SIPA1L1: variants seen among roughly 807,000 people sequenced by gnomAD.
SIPA1L1 encodes the protein signal induced proliferation associated 1 like 1, also known as signal-induced proliferation-associated 1-like protein 1.
In SIPA1L1, 26 loss-of-function variants were observed where a neutral mutation model predicts 162.7. The observed-to-expected ratio is 0.16, with a 90% CI of 0.12 to 0.22. SIPA1L1 has a LOEUF of 0.22. Ranked by LOEUF, SIPA1L1 falls within the 10% of genes least tolerant of loss-of-function variation. The pLI is 1.00. For missense variants in SIPA1L1, 1,874 were observed against 2,241.0 expected, an observed-to-expected ratio of 0.84 and a Z score of 3.31; for synonymous variants, 829 against 837.4, an observed-to-expected ratio of 0.99 and a Z score of 0.17.
At chr14:71,639,604 C>G (rs1375434051) in intron 7 of SIPA1L1, among the ~76,000 whole-genome samples, 1 of 152,096 alleles carries the variant, frequency 6.6e-6, no homozygotes, top group East Asian at 1.9e-4. Context: ...AACAAAGGAA[C>G]TGGAATACCT....
chr14:71,504,291 A>G (rs1351614199), intron 2 of SIPA1L1, among the ~76,000 whole-genome samples: 1 of 152,186 alleles, frequency 6.6e-6, no homozygotes, highest in African/African-American at 2.4e-5. Flanking sequence ...GTGTATATGT[A>G]AGATTTATGT....
intron 2 of SIPA1L1, among the ~76,000 whole-genome samples, chr14:71,370,620 A>G (rs1009613595): frequency 5.9e-5 from 9 of 152,200 alleles, no homozygotes; most frequent in Non-Finnish European, 1.3e-4. Context: ...CTTATTATAC[A>G]TATATGTACT....
intron 2 of SIPA1L1, among the ~76,000 whole-genome samples, chr14:71,367,190 C>T (rs1288106747): frequency 7.1e-6 from 1 of 140,416 alleles, no homozygotes; most frequent in South Asian, 2.3e-4. Flanking sequence ...GATATATAAA[C>T]TTCTCTCATT....
Position 71,630,488 on chromosome 14 carries a change from C to T in SIPA1L1, c.1818+6252C>T, listed in dbSNP as rs183020040. Among the ~76,000 whole-genome samples the T allele has an allele frequency of 8.1e-4, 123 of 152,316 alleles. 2 individuals carry two copies. Among genetic ancestry groups the T allele is most frequent in the African/African-American group, 2.8e-3 (116 of 41,574 alleles). On this transcript the variant is annotated intron_variant, in intron 7 of 23. Coordinates refer to ENST00000381232, the MANE Select transcript of SIPA1L1 (RefSeq NM_001386936.1). ...AGAACACAGCAAGACTAAGATCACACGTGAGGACTTGGATCACGATTCAGA... is the reference window on the plus strand; with the variant it reads ...AGAACACAGCAAGACTAAGATCACATGTGAGGACTTGGATCACGATTCAGA...
intron 2 of SIPA1L1, among the ~76,000 whole-genome samples, chr14:71,512,464 A>G (rs976400830): frequency 2.6e-5 from 4 of 151,484 alleles, no homozygotes; most frequent in East Asian, 2.0e-4. Context: ...CCACGTGCCT[A>G]TAGTCCCAGC....
chr14:71,417,499 A>AAAAAAAAAAAAAAC (rs2042883957), intron 2 of SIPA1L1, among the ~76,000 whole-genome samples: 1 of 146,854 alleles, frequency 6.8e-6, no homozygotes, highest in African/African-American at 2.5e-5. Context: ...AAAAAAAAAA[A>AAAAAAAAAAAAAAC]AAAAGAAAAT....
At chr14:71,578,372 C>T (rs1288642482) in intron 4 of SIPA1L1, among the ~76,000 whole-genome samples, 1 of 152,080 alleles carries the variant, frequency 6.6e-6, no homozygotes, top group African/African-American at 2.4e-5. Flanking sequence ...CTGGCCTGAC[C>T]ACTCCTTTAC....
intron 7 of SIPA1L1, among the ~76,000 whole-genome samples, chr14:71,646,333 C>G (rs2042165243): frequency 6.6e-6 from 1 of 152,032 alleles, no homozygotes; most frequent in Non-Finnish European, 1.5e-5. Context: ...CCCGCCACCA[C>G]GCCCGGCTAA....
rs1196019888 is a variant in SIPA1L1, at chr14:71,581,231, A to G, written c.-302-6340A>G. On this transcript the variant is annotated intron_variant, in intron 4 of 23. Transcript: ENST00000381232. Reference sequence around the variant, plus strand: ...TTAATAAAAATAATGGGAACTCACTATGTTACCCAGGCTGGTCTCAAACTC... The same window carrying G: ...TTAATAAAAATAATGGGAACTCACTGTGTTACCCAGGCTGGTCTCAAACTC... Among the ~76,000 whole-genome samples the G allele has an allele frequency of 2.0e-5, 3 of 152,078 alleles. No homozygotes were observed. In the South Asian group the frequency reaches 6.2e-4, roughly 31 times the overall value.
chr14:71,332,639 C>T (rs573229325), intron 2 of SIPA1L1, among the ~76,000 whole-genome samples: 9 of 152,246 alleles, frequency 5.9e-5, no homozygotes, highest in Non-Finnish European at 8.8e-5. Context: ...TCTACTCCCA[C>T]ACCCACCCCA....
intron 10 of SIPA1L1, among the ~76,000 whole-genome samples, chr14:71,663,680 G>A (rs1157819750): frequency 6.6e-6 from 1 of 152,044 alleles, no homozygotes; most frequent in Non-Finnish European, 1.5e-5. Flanking sequence ...TGAAAATTAG[G>A]ATTTTTGCTT....
chr14:71,347,745 A>G (rs2036309439), intron 2 of SIPA1L1, among the ~76,000 whole-genome samples: 1 of 152,208 alleles, frequency 6.6e-6, no homozygotes, highest in Admixed American at 6.5e-5. Context: ...CTTAATGACT[A>G]ATGATGGTGA....
At chr14:71,535,888 G>A (rs1469200830) in intron 4 of SIPA1L1, among the ~76,000 whole-genome samples, 1 of 152,136 alleles carries the variant, frequency 6.6e-6, no homozygotes, top group African/African-American at 2.4e-5. Context: ...CGGATTACAG[G>A]CATGGGCCAC....
intron 17 of SIPA1L1, among the ~76,000 whole-genome samples, chr14:71,720,909 C>T (rs1462998871): frequency 6.6e-6 from 1 of 152,084 alleles, no homozygotes. Context: ...TTTGAATTCT[C>T]TGTCTGAATT....
In SIPA1L1 at chr14:71,588,877, T is replaced by C. The variant is rs1245595486; in HGVS notation, c.1005T>C (p.Asp335=). 1.2e-6 allele frequency: 2 copies of C among 1,614,126 alleles called. No individual in the cohort carries two copies. The highest frequency in any genetic ancestry group is 1.7e-6 in the Non-Finnish European group (2 of 1,179,980). ...GTCCAAAGTGCTTTGCCCACTATGATGTCCAGAGTATATTATTTGATTTGA... is the reference window on the plus strand; with the variant it reads ...GTCCAAAGTGCTTTGCCCACTATGACGTCCAGAGTATATTATTTGATTTGA... ...WTCPKCFAHY[D]VQSILFDLNE... Residue 335 remains aspartate, a synonymous_variant, in exon 5 of 24, where the codon GAT becomes GAC. Coordinates refer to ENST00000381232, the MANE Select transcript of SIPA1L1 (RefSeq NM_001386936.1). The surrounding 1 kb of genome is among the most constrained non-coding windows in gnomAD (Gnocchi z 4.3).
In SIPA1L1 at chr14:71,548,885, C is replaced by CAA. The variant is rs774158181; in HGVS notation, c.-303+19535_-303+19536dup. On this transcript the variant is annotated intron_variant, in intron 4 of 23. Transcript: ENST00000381232. ...TGTACTCCAGCCTGGAGACTGTCTC[C>CAA]AAAAAAAAAAAAAAAAAAAAAGTGA... Among the ~76,000 whole-genome samples, 331 of 65,100 alleles carry CAA rather than the reference C, an allele frequency of 5.1e-3. 5 individuals carry two copies. Among genetic ancestry groups the CAA allele is most frequent in the East Asian group, 0.014 (38 of 2,762 alleles). 42.7% of individuals were successfully genotyped at this position (65,100 alleles called of 152,430 possible).
At chr14:71,711,377 CTG>C (rs2082866458) in intron 17 of SIPA1L1, among the ~76,000 whole-genome samples, 1 of 152,226 alleles carries the variant, frequency 6.6e-6, no homozygotes, top group African/African-American at 2.4e-5. Context: ...TCTCAGTAGA[CTG>C]TGCATTGACT....
At chr14:71,499,994 A>T (rs1238102300) in intron 2 of SIPA1L1, among the ~76,000 whole-genome samples, 1 of 152,240 alleles carries the variant, frequency 6.6e-6, no homozygotes, top group Non-Finnish European at 1.5e-5. Flanking sequence ...GTTAGAAATT[A>T]AAATCTTTGC....
chr14:71,481,013 G>A (rs1228732197), intron 2 of SIPA1L1, among the ~76,000 whole-genome samples: 2 of 152,132 alleles, frequency 1.3e-5, no homozygotes, highest in East Asian at 1.9e-4. Flanking sequence ...ATGCACCCAG[G>A]ACACCTGTAG....
Sources: allele counts gnomAD v4.1 joint callset (sites outside exome capture counted in the v4.1 genomes callset), GRCh38; gene constraint gnomAD v4.1.1; non-coding constraint Gnocchi (gnomAD v3.1); transcripts MANE v1.5; gene names NCBI Gene and HGNC (gene_info 2026-07-23, HGNC 2026-07-21).